HTR1F: variants seen among roughly 807,000 people sequenced by gnomAD.
HTR1F encodes the protein 5-hydroxytryptamine receptor 1F, also known as 5-hydroxytryptamine (serotonin) receptor 1F, G protein-coupled.
In HTR1F, 17 loss-of-function variants were observed where a neutral mutation model predicts 24.0. That is an observed-to-expected ratio of 0.71 (90% CI 0.48 to 1.06). The LOEUF (loss-of-function observed/expected upper bound fraction) is 1.06, where lower values mean the gene tolerates loss of function less well. HTR1F is among the 50% of genes least tolerant of loss of function. The pLI is 0.00. For synonymous variants in HTR1F, 186 were observed against 156.8 expected, an observed-to-expected ratio of 1.19 and a Z score of -1.39; for missense variants, 391 against 427.8, an observed-to-expected ratio of 0.91 and a Z score of 0.76.
At chr3:87,866,611 A>G (rs1488200756) in intron 2 of HTR1F, among the ~76,000 whole-genome samples, 3 of 148,942 alleles carry the variant, frequency 2.0e-5, no homozygotes, top group African/African-American at 7.3e-5. Flanking sequence ...ACTTTCCACT[A>G]TATTGTTTCT....
intron 2 of HTR1F, among the ~76,000 whole-genome samples, chr3:87,884,508 T>C (rs954120908): frequency 7.2e-5 from 11 of 152,128 alleles, no homozygotes; most frequent in African/African-American, 2.7e-4. Flanking sequence ...AAGATCAACC[T>C]TAAATGTAAA....
intron 2 of HTR1F, among the ~76,000 whole-genome samples, chr3:87,915,821 G>A (rs559319067): frequency 2.0e-5 from 3 of 152,248 alleles, no homozygotes; most frequent in African/African-American, 7.2e-5. Flanking sequence ...AGCCATGCTA[G>A]AGACCTAGAA....
chr3:87,933,153 A>T (rs1461745215), intron 2 of HTR1F, among the ~76,000 whole-genome samples: 2 of 151,862 alleles, frequency 1.3e-5, no homozygotes, highest in Non-Finnish European at 2.9e-5. Flanking sequence ...AAATTCAACA[A>T]CCCTTCATGC....
intron 2 of HTR1F, among the ~76,000 whole-genome samples, chr3:87,969,543 T>C (rs1705241762): frequency 1.3e-5 from 2 of 152,240 alleles, no homozygotes; most frequent in Admixed American, 1.3e-4. Flanking sequence ...CCATTTTGAA[T>C]GGGTGTATTT....
rs186248709 is a variant in HTR1F at position 87,903,765 on chromosome 3, C to T, written c.-43+81641C>T. Among the ~76,000 whole-genome samples, 18 of 152,238 alleles carry T rather than the reference C, an allele frequency of 1.2e-4. No individual in the cohort carries two copies. The East Asian group carries it at 2.9e-3, about 25-fold the overall frequency. On this transcript the variant is annotated intron_variant, in intron 2 of 2. Coordinates refer to ENST00000319595, the MANE Select transcript of HTR1F (RefSeq NM_001322209.2). Reference sequence around the variant, plus strand: ...AGAAATACCATTTGACCGAGCCATCCCATTACTGGGTATATACCCAAAGGA... The same window carrying T: ...AGAAATACCATTTGACCGAGCCATCTCATTACTGGGTATATACCCAAAGGA...
At chr3:87,842,125 T>C (rs1292061586) in intron 2 of HTR1F, among the ~76,000 whole-genome samples, 1 of 151,686 alleles carries the variant, frequency 6.6e-6, no homozygotes, top group Non-Finnish European at 1.5e-5. Context: ...TCTCTGAACA[T>C]TAGCAATTCA....
intron 2 of HTR1F, among the ~76,000 whole-genome samples, chr3:87,945,112 A>ATC (rs112478679): frequency 0.033 from 3,764 of 114,682 alleles, 130 homozygotes; most frequent in African/African-American, 0.094. Context: ...TGTCTCCTCC[A>ATC]TCTCTCTCTC....
rs1288825912 is a variant in HTR1F, at chr3:87,873,369, C to T, written c.-43+51245C>T. On this transcript the variant is annotated intron_variant, in intron 2 of 2. Coordinates refer to ENST00000319595, the MANE Select transcript of HTR1F (RefSeq NM_001322209.2). The stretch of plus-strand genomic sequence containing the variant: ...GAATGATGTAAACATGAGTCAGAGT[C>T]TGAAGGCCCAAGAAGCAGAAGCACT... Among the ~76,000 whole-genome samples, 5 of 152,090 alleles carry T rather than the reference C, an allele frequency of 3.3e-5. No individual in the cohort carries two copies. In the South Asian group the frequency reaches 8.3e-4, roughly 25 times the overall value.
At chr3:87,907,193 A>ATTT (rs1340149546) in intron 2 of HTR1F, among the ~76,000 whole-genome samples, 12 of 107,296 alleles carry the variant, frequency 1.1e-4, no homozygotes, top group African/African-American at 7.9e-4. Context: ...CTATGCCAAC[A>ATTT]TTTATTTTTT....
chr3:87,880,646 T>TTGTGTGTGTG (rs10540515), intron 2 of HTR1F, among the ~76,000 whole-genome samples: 3 of 147,270 alleles, frequency 2.0e-5, no homozygotes, highest in East Asian at 2.0e-4. Flanking sequence ...GTGTGTTTGT[T>TTGTGTGTGTG]TGTGTGTGTG....
chr3:87,993,425 ACTAAAAT>A lies in HTR1F; in HGVS notation c.*1578_*1584del, dbSNP rs1705879568. 1.8e-5 allele frequency: 3 copies of A among 167,060 alleles called. No individual in the cohort carries two copies. In the South Asian group the frequency reaches 6.2e-4, roughly 35 times the overall value. The allele number at this position is 167,060 out of a possible 1,614,324, so 10.3% of individuals were successfully genotyped here. On this transcript the variant is annotated 3_prime_UTR_variant, in exon 3 of 3. Coordinates refer to ENST00000319595, the MANE Select transcript of HTR1F (RefSeq NM_001322209.2). ...ATAAAACTATAATAGAAAAGAGCAA[ACTAAAAT>A]CTGGCATGGAAGTTGTTTACACAGT...
intron 2 of HTR1F, among the ~76,000 whole-genome samples, chr3:87,841,036 T>C (rs917321644): frequency 2.0e-5 from 3 of 151,948 alleles, no homozygotes; most frequent in Non-Finnish European, 4.4e-5. Flanking sequence ...AAAATATAAT[T>C]AATAATTTTG....
intron 2 of HTR1F, among the ~76,000 whole-genome samples, chr3:87,935,441 C>T (rs1704389037): frequency 6.6e-6 from 1 of 151,932 alleles, no homozygotes. Flanking sequence ...AATAATTCCA[C>T]CAGGGTGAGG....
At chr3:87,925,851 A>T (rs1704113269) in intron 2 of HTR1F, among the ~76,000 whole-genome samples, 1 of 152,078 alleles carries the variant, frequency 6.6e-6, no homozygotes, top group Admixed American at 6.6e-5. Context: ...TTCTCTCTCT[A>T]TGCTGCCATA....
At chr3:87,973,971 T>C (rs915248073) in intron 2 of HTR1F, among the ~76,000 whole-genome samples, 6 of 152,178 alleles carry the variant, frequency 3.9e-5, no homozygotes, top group African/African-American at 1.4e-4. Flanking sequence ...GGTATGAACA[T>C]AGATGTCGGA....
intron 2 of HTR1F, among the ~76,000 whole-genome samples, chr3:87,871,862 A>T (rs1163287748): frequency 6.6e-6 from 1 of 152,066 alleles, no homozygotes; most frequent in African/African-American, 2.4e-5. Context: ...ACCAGGCAGA[A>T]GATCAATAAA....
At chr3:87,937,519 G>C (rs1383459620) in intron 2 of HTR1F, among the ~76,000 whole-genome samples, 1 of 152,060 alleles carries the variant, frequency 6.6e-6, no homozygotes, top group Non-Finnish European at 1.5e-5. Context: ...ATACCAAATG[G>C]GCAAAAGCTG....
Position 87,969,968 on chromosome 3 carries a change from CTTGCCTGCTGCCATGCAGACATGGCTT to C in HTR1F, c.-42-20733_-42-20707del, listed in dbSNP as rs558970052. Among the ~76,000 whole-genome samples, 39 of 152,350 alleles carry C rather than the reference CTTGCCTGCTGCCATGCAGACATGGCTT, an allele frequency of 2.6e-4. 1 individual carries two copies. The East Asian group carries it at 5.0e-3, about 20-fold the overall frequency. ...GAGTTCCCCTGCACATGCTTTCTCT[CTTGCCTGCTGCCATGCAGACATGGCTT>C]TTGCCTTCTGCCATGATTGTGAGGC... On this transcript the variant is annotated intron_variant, in intron 2 of 2. Transcript: ENST00000319595.
intron 2 of HTR1F, among the ~76,000 whole-genome samples, chr3:87,940,657 C>T (rs1419380854): frequency 6.6e-6 from 1 of 152,138 alleles, no homozygotes; most frequent in Non-Finnish European, 1.5e-5. Context: ...CAAAAAAGAG[C>T]CCATATAGCC....
Sources: gnomAD v4.1 joint callset for allele counts (sites outside exome capture counted in the v4.1 genomes callset) on GRCh38, gnomAD v4.1.1 for gene constraint, MANE v1.5 for transcripts, NCBI Gene and HGNC (gene_info 2026-07-23, HGNC 2026-07-21) for gene names.